The following CACHD1 variants were observed in gnomAD, a reference collection of about 807,000 sequenced individuals.
The protein encoded by CACHD1 is cache domain containing 1.
CACHD1 carries 71 observed loss-of-function variants against 138.7 expected under a neutral mutation model. The ratio of observed to expected loss-of-function variants is 0.51; its 90% confidence interval spans 0.42 to 0.62. CACHD1 has a LOEUF of 0.62. Among genes scored for constraint, CACHD1 ranks in the 20% least tolerant of loss-of-function variants. CACHD1 has a pLI of 0.00. For missense variants in CACHD1, 1,389 were observed against 1,625.3 expected, an observed-to-expected ratio of 0.85 and a Z score of 2.50; for synonymous variants, 578 against 591.5, an observed-to-expected ratio of 0.98 and a Z score of 0.33.
chr1:64,477,584 G>GATTATTATT (rs10701038), intron 1 of CACHD1, among the ~76,000 whole-genome samples: 68 of 136,134 alleles, frequency 5.0e-4, no homozygotes, highest in East Asian at 2.8e-3. Context: ...CTTCCCCCCA[G>GATTATTATT]ATTATTATTA....
At chr1:64,596,629 ACCTCCCATCAGAAG>A (rs1347999531) in intron 3 of CACHD1, among the ~76,000 whole-genome samples, 2 of 151,640 alleles carry the variant, frequency 1.3e-5, no homozygotes, top group Non-Finnish European at 2.9e-5. Context: ...TTGTGTTGTG[ACCTCCCATCAGAAG>A]CCTCTCAGCA....
rs1246298922 is a variant in CACHD1 at position 64,632,642 on chromosome 1, G to A, written c.688G>A (p.Val230Ile). 1.2e-6 allele frequency: 2 copies of A among 1,614,000 alleles called. No individual in the cohort carries two copies. Among genetic ancestry groups the A allele is most frequent in the African/African-American group, 2.7e-5 (2 of 74,914 alleles). ...STVRPQSKHI[V>I]VILDHGASVT... ...AGTCCGGCCGCAGTCAAAGCACATA[G>A]TAGTGATTCTGGACCACGGGGCTTC... is the stretch of plus-strand genomic sequence containing the variant. Residue 230 changes from valine to isoleucine, a missense_variant, in exon 6 of 27, where the codon GTA (valine) becomes ATA (isoleucine). Around this residue, in one of 5 missense-constraint regions of CACHD1, gnomAD observed 1,000 missense variants for 1,114.7 expected, o/e 0.90. Coordinates refer to ENST00000651257, the MANE Select transcript of CACHD1 (RefSeq NM_020925.4).
chr1:64,573,254 A>G (rs997552181), intron 2 of CACHD1, among the ~76,000 whole-genome samples: 3 of 152,140 alleles, frequency 2.0e-5, no homozygotes, highest in Admixed American at 1.3e-4. Context: ...AGAGACAGAA[A>G]CACTAGAGTA....
intron 1 of CACHD1, among the ~76,000 whole-genome samples, chr1:64,481,012 A>G (rs539474152): frequency 4.0e-5 from 6 of 151,752 alleles, no homozygotes; most frequent in East Asian, 3.9e-4. Context: ...TTTTTTTCTG[A>G]GTTCAAAGGT....
chr1:64,678,192 C>T lies in CACHD1; in HGVS notation c.3126C>T (p.Cys1042=), dbSNP rs752156796. 1.3e-5 allele frequency: 21 copies of T among 1,612,466 alleles called. No homozygotes were observed. The highest frequency in any genetic ancestry group is 1.6e-5 in the Non-Finnish European group (19 of 1,179,394). ...DCFGVLDCEW[C]MVDSDGKTHL... Reference sequence around the variant, plus strand: ...TTGGGGTGCTGGATTGTGAATGGTGCATGGTGGACAGTGATGGAAAGACTC... The same window carrying T: ...TTGGGGTGCTGGATTGTGAATGGTGTATGGTGGACAGTGATGGAAAGACTC... The change falls in exon 23 of 27, where the codon TGC becomes TGT. Residue 1042 remains cysteine, a synonymous_variant. Transcript: ENST00000651257.
chr1:64,525,919 C>A (rs1341628147), intron 1 of CACHD1, among the ~76,000 whole-genome samples: 1 of 152,192 alleles, frequency 6.6e-6, no homozygotes, highest in Non-Finnish European at 1.5e-5. Context: ...TGTGTGCTTA[C>A]TTTAAAAATT....
chr1:64,665,017 A>T (rs1318201252), intron 15 of CACHD1, among the ~76,000 whole-genome samples: 1 of 152,210 alleles, frequency 6.6e-6, no homozygotes, highest in East Asian at 1.9e-4. Flanking sequence ...GAATCAAGTT[A>T]CAGCTTATGT....
At chr1:64,643,945 T>G (rs1287784338) in intron 8 of CACHD1, among the ~76,000 whole-genome samples, 2 of 152,220 alleles carry the variant, frequency 1.3e-5, no homozygotes, top group Admixed American at 1.3e-4. Context: ...CAGATCTCTG[T>G]CCAGTCCTCT....
rs377117953 is a variant in CACHD1, at chr1:64,669,908, G to A, written c.2388-1656G>A. Among the ~76,000 whole-genome samples, 62 of 152,302 alleles carry A rather than the reference G, an allele frequency of 4.1e-4. 2 individuals carry two copies. The South Asian group carries it at 0.012, about 31-fold the overall frequency. On this transcript the variant is annotated intron_variant, in intron 16 of 26. Transcript: ENST00000651257. ...CACCTAAGTGCTATTTTTCACCGAG[G>A]TAGCTGTAGGGTTGTAGAAAGAGCC...
At chr1:64,676,334 T>C (rs1042297196) in intron 21 of CACHD1, among the ~76,000 whole-genome samples, 3 of 152,192 alleles carry the variant, frequency 2.0e-5, no homozygotes, top group African/African-American at 4.8e-5. Context: ...GTGATAAATA[T>C]GCAAGTGTTT....
rs114129396 is a variant in CACHD1 at position 64,563,420 on chromosome 1, G to A, written c.261+12764G>A. On this transcript the variant is annotated intron_variant, in intron 2 of 26. Transcript: ENST00000651257. ...AAGAATTGGAAAAGGTCAAAGCAAT[G>A]AACTAGAATTCACCTGAAAGCAAGA... Among the ~76,000 whole-genome samples the A allele has an allele frequency of 7.2e-3, 1,101 of 152,222 alleles. 11 individuals carry two copies. Among genetic ancestry groups the A allele is most frequent in the African/African-American group, 0.026 (1,064 of 41,530 alleles).
At chr1:64,483,681 C>CAAAA (rs10537125) in intron 1 of CACHD1, among the ~76,000 whole-genome samples, 2 of 58,200 alleles carry the variant, frequency 3.4e-5, no homozygotes, top group Non-Finnish European at 8.1e-5. Context: ...CTGTCTCTAC[C>CAAAA]AAAAAAAAAA....
Position 64,623,863 on chromosome 1 carries a change from C to A in CACHD1, c.518-5492C>A, listed in dbSNP as rs149403462. On this transcript the variant is annotated intron_variant, in intron 4 of 26. Transcript: ENST00000651257. The stretch of plus-strand genomic sequence containing the variant: ...CTTAAATCCTAATGCTGTGCATCAC[C>A]GCTTAATGGGTTGGGCATCTGCCCA... Among the ~76,000 whole-genome samples the A allele has an allele frequency of 5.3e-4, 81 of 152,328 alleles. 2 individuals carry two copies. In the East Asian group the frequency reaches 0.015, roughly 28 times the overall value.
chr1:64,633,060 A>T (rs1270877799), intron 6 of CACHD1, among the ~76,000 whole-genome samples: 3 of 152,206 alleles, frequency 2.0e-5, no homozygotes, highest in African/African-American at 7.2e-5. Flanking sequence ...GCAGAATACT[A>T]TATCAGCGGT....
Position 64,682,044 on chromosome 1 carries a change from A to G in CACHD1, c.3524A>G (p.His1175Arg). ...TTTATAGCTGCGGTCATCGAACGAC[A>G]TGCACACAGTCCAGAAAGAAGGCGC... is the stretch of plus-strand genomic sequence containing the variant. ...TRFIAAVIERHAHSPERRRRY... is the reference protein window; with the variant it reads ...TRFIAAVIERRAHSPERRRRY... Residue 1175 changes from histidine to arginine, a missense_variant, in exon 26 of 27, where the codon CAT (histidine) becomes CGT (arginine). Physicochemically the swap from His to Arg is conservative, Grantham distance 29. Around this residue, in one of 5 missense-constraint regions of CACHD1, gnomAD observed 250 missense variants for 292.9 expected, o/e 0.85. Coordinates refer to ENST00000651257, the MANE Select transcript of CACHD1 (RefSeq NM_020925.4). 6.2e-7 allele frequency: 1 copy of G among 1,614,112 alleles called. No homozygotes were observed. The highest frequency in any genetic ancestry group is 1.1e-5 in the South Asian group (1 of 91,076).
chr1:64,561,970 C>T (rs1451298838), intron 2 of CACHD1, among the ~76,000 whole-genome samples: 3 of 152,002 alleles, frequency 2.0e-5, no homozygotes, highest in Non-Finnish European at 2.9e-5. Flanking sequence ...AAATGTTCCA[C>T]TGTCTGCTGG....
rs12024533 is a variant in CACHD1, at chr1:64,516,520, G to A, written c.199-34074G>A. Among the ~76,000 whole-genome samples, 38 of 152,314 alleles carry A rather than the reference G, an allele frequency of 2.5e-4. 1 individual carries two copies. In the East Asian group the frequency reaches 7.1e-3, roughly 29 times the overall value. On this transcript the variant is annotated intron_variant, in intron 1 of 26. Coordinates refer to ENST00000651257, the MANE Select transcript of CACHD1 (RefSeq NM_020925.4). ...TTTACTCATTTATGAGATTCTGTCA[G>A]TGAGGCTGTCACGTTGGAAAAAAGG... is the stretch of plus-strand genomic sequence containing the variant.
intron 1 of CACHD1, among the ~76,000 whole-genome samples, chr1:64,535,117 A>T (rs188817249): frequency 6.6e-6 from 1 of 152,256 alleles, no homozygotes; most frequent in Admixed American, 6.5e-5. Context: ...AGCTTATTTC[A>T]TCTCTAATTC....
intron 8 of CACHD1, among the ~76,000 whole-genome samples, chr1:64,643,572 C>T (rs1470078038): frequency 1.3e-5 from 2 of 152,176 alleles, no homozygotes; most frequent in African/African-American, 4.8e-5. Context: ...CTCGGTGGCT[C>T]ATGCCTGTAA....
Sources: gnomAD v4.1 joint callset for allele counts (sites outside exome capture counted in the v4.1 genomes callset) on GRCh38, gnomAD v4.1.1 for gene constraint, gnomAD v4.1.1 regional missense constraint, MANE v1.5 for transcripts, NCBI Gene and HGNC (gene_info 2026-07-23, HGNC 2026-07-21) for gene names.